Variants in PTPRZ1 observed in about 807,000 individuals in gnomAD.
The protein encoded by PTPRZ1 is receptor-type tyrosine-protein phosphatase zeta.
A neutral mutation model predicts 214.1 loss-of-function variants in PTPRZ1; 82 were observed. That is an observed-to-expected ratio of 0.38 (90% CI 0.32 to 0.46). PTPRZ1 has a LOEUF of 0.46. Among genes scored for constraint, PTPRZ1 ranks in the 20% least tolerant of loss-of-function variants. PTPRZ1 has a pLI of 1.00. For missense variants in PTPRZ1, 2,603 were observed against 2,748.7 expected, an observed-to-expected ratio of 0.95 and a Z score of 1.19; for synonymous variants, 945 against 987.9, an observed-to-expected ratio of 0.96 and a Z score of 0.81.
At chr7:122,002,371 T>C (rs572741101) in intron 10 of PTPRZ1, among the ~76,000 whole-genome samples, 8 of 152,270 alleles carry the variant, frequency 5.3e-5, no homozygotes, top group South Asian at 2.1e-4. Context: ...GAGACGTGCC[T>C]AGGCCTACAC....
chr7:122,042,595 G>A lies in PTPRZ1; in HGVS notation c.5802-13G>A, dbSNP rs764414165. The A allele has an allele frequency of 5.9e-5, 92 of 1,558,872 alleles. No homozygotes were observed. Among genetic ancestry groups the A allele is most frequent in the Non-Finnish European group, 7.7e-5 (88 of 1,147,976 alleles). On this transcript the variant is annotated splice_polypyrimidine_tract_variant and intron_variant, in intron 21 of 29. Coordinates refer to ENST00000393386, the MANE Select transcript of PTPRZ1 (RefSeq NM_002851.3). Reference sequence around the variant, plus strand: ...TTAACATTGAAATATTTATTTCTTGGTCTTCTCTTCAGTGCTGGAGTTGGA... The same window carrying A: ...TTAACATTGAAATATTTATTTCTTGATCTTCTCTTCAGTGCTGGAGTTGGA...
intron 1 of PTPRZ1, among the ~76,000 whole-genome samples, chr7:121,895,117 T>TA (rs1372677167): frequency 6.6e-6 from 1 of 152,232 alleles, no homozygotes; most frequent in African/African-American, 2.4e-5. Flanking sequence ...CCAAATGCTT[T>TA]AAAAGGGTAT....
chr7:121,985,269 T>C (rs1314722005), intron 8 of PTPRZ1, among the ~76,000 whole-genome samples: 1 of 152,104 alleles, frequency 6.6e-6, no homozygotes, highest in Non-Finnish European at 1.5e-5. Context: ...TAATAGACAA[T>C]CGATTAGAAA....
intron 2 of PTPRZ1, among the ~76,000 whole-genome samples, chr7:121,936,937 T>C (rs1796101262): frequency 6.6e-6 from 1 of 152,140 alleles, no homozygotes; most frequent in Non-Finnish European, 1.5e-5. Context: ...TCTCATACCT[T>C]TTTCTGCTTA....
chr7:121,967,925 A>G (rs765057678), intron 2 of PTPRZ1, 26 bp from the exon 3 acceptor site: 1 of 1,487,794 alleles, frequency 6.7e-7, no homozygotes, highest in East Asian at 2.3e-5. Flanking sequence ...TAAGAAACTA[A>G]ATTTCTTACT....
intron 6 of PTPRZ1, among the ~76,000 whole-genome samples, chr7:121,977,350 AG>A (rs1419745812): frequency 6.6e-6 from 1 of 152,238 alleles, no homozygotes; most frequent in Admixed American, 6.5e-5. Flanking sequence ...ACATAGAAGA[AG>A]ATGCAATATG....
At chr7:121,985,933 CTAAAG>C (rs1374087311) in intron 8 of PTPRZ1, among the ~76,000 whole-genome samples, 5 of 152,312 alleles carry the variant, frequency 3.3e-5, no homozygotes, top group East Asian at 3.9e-4. Context: ...CATGGCCAAA[CTAAAG>C]TAAAGCTCTC....
intron 13 of PTPRZ1, among the ~76,000 whole-genome samples, chr7:122,025,745 G>T (rs117176787): frequency 2.0e-5 from 3 of 152,190 alleles, no homozygotes. Flanking sequence ...TCACAGAGAA[G>T]ATACCTCTGA....
intron 2 of PTPRZ1, among the ~76,000 whole-genome samples, chr7:121,946,547 T>C (rs952159903): frequency 9.2e-5 from 14 of 152,298 alleles, no homozygotes; most frequent in South Asian, 4.1e-4. Context: ...AGTAATATTT[T>C]GTATCCTGTT....
chr7:121,873,433 C>A lies in PTPRZ1; in HGVS notation c.-67C>A. 6.5e-7 allele frequency: 1 copy of A among 1,528,194 alleles called. No homozygotes were observed. 94.7% of individuals were successfully genotyped at this position (1,528,194 alleles called of 1,614,324 possible). On this transcript the variant is annotated 5_prime_UTR_variant, in exon 1 of 30. Coordinates refer to ENST00000393386, the MANE Select transcript of PTPRZ1 (RefSeq NM_002851.3). ...ACAAACAAAAAAAACATTTCCTTCG[C>A]TCCCCCTCCCTCTCCACTCTGAGAA...
At chr7:121,896,566 C>G (rs1794789214) in intron 1 of PTPRZ1, among the ~76,000 whole-genome samples, 1 of 151,898 alleles carries the variant, frequency 6.6e-6, no homozygotes, top group Non-Finnish European at 1.5e-5. Context: ...ACCTTAAGAA[C>G]AGTATGCCCA....
chr7:121,934,867 G>A (rs1796027639), intron 2 of PTPRZ1, among the ~76,000 whole-genome samples: 1 of 152,152 alleles, frequency 6.6e-6, no homozygotes, highest in Admixed American at 6.5e-5. Flanking sequence ...AAGCCTCGTT[G>A]TGGAGGCTGA....
At chr7:122,020,848 G>T (rs1267675791) in intron 13 of PTPRZ1, among the ~76,000 whole-genome samples, 1 of 151,744 alleles carries the variant, frequency 6.6e-6, no homozygotes, top group African/African-American at 2.4e-5. Context: ...TTTGCTAAAG[G>T]GTTCATGCTT....
intron 22 of PTPRZ1, among the ~76,000 whole-genome samples, chr7:122,044,020 T>C (rs1258833405): frequency 6.6e-6 from 1 of 152,198 alleles, no homozygotes; most frequent in African/African-American, 2.4e-5. Flanking sequence ...TTAAATTGTA[T>C]ATGACAAGCG....
chr7:121,992,081 T>C (rs1797983760), intron 8 of PTPRZ1, among the ~76,000 whole-genome samples: 1 of 152,216 alleles, frequency 6.6e-6, no homozygotes. Flanking sequence ...TTCAAATTAG[T>C]GGGAAATAAC....
intron 3 of PTPRZ1, 100 bp from the exon 4 acceptor site, chr7:121,972,441 A>C: frequency 8.3e-7 from 1 of 1,208,724 alleles, no homozygotes; most frequent in South Asian, 1.8e-5. Flanking sequence ...TTTATCAAAT[A>C]AATGATTTTT....
At chr7:121,907,320 T>C (rs1795145579) in intron 1 of PTPRZ1, among the ~76,000 whole-genome samples, 1 of 152,030 alleles carries the variant, frequency 6.6e-6, no homozygotes, top group African/African-American at 2.4e-5. Flanking sequence ...AATAACTTAC[T>C]TATGTTCAAA....
intron 13 of PTPRZ1, among the ~76,000 whole-genome samples, chr7:122,023,308 G>A (rs957702508): frequency 4.0e-5 from 6 of 150,758 alleles, no homozygotes; most frequent in African/African-American, 1.5e-4. Flanking sequence ...CTCTTTCCTA[G>A]TTCTGCCCGG....
Position 121,954,658 on chromosome 7 carries a change from T to C in PTPRZ1, c.125-13293T>C, listed in dbSNP as rs186472751. 1.6e-4 allele frequency among the ~76,000 whole-genome samples: 25 copies of C among 152,336 alleles called. No individual in the cohort carries two copies. In the East Asian group the frequency reaches 4.8e-3, roughly 29 times the overall value. ...TCTTTGGTTCTCACTAGAACATGAG[T>C]TCTTTGATGATGGCACTTTTATTCA... On this transcript the variant is annotated intron_variant, in intron 2 of 29. Transcript: ENST00000393386.
Sources: gnomAD v4.1 joint callset for allele counts (sites outside exome capture counted in the v4.1 genomes callset) on GRCh38, gnomAD v4.1.1 for gene constraint, MANE v1.5 for transcripts, NCBI Gene and HGNC (gene_info 2026-07-23, HGNC 2026-07-21) for gene names.